Variants in MYBL2 observed in about 807,000 individuals in gnomAD.
MYBL2 encodes myb-related protein B.
MYBL2 carries 28 observed loss-of-function variants against 79.9 expected under a neutral mutation model. The observed-to-expected ratio is 0.35, with a 90% CI of 0.26 to 0.48. The LOEUF (loss-of-function observed/expected upper bound fraction) is 0.48. Among genes scored for constraint, MYBL2 ranks in the 20% least tolerant of loss-of-function variants. The pLI, the probability that MYBL2 is intolerant of heterozygous loss-of-function variation, is 0.99. For synonymous variants in MYBL2, 378 were observed against 361.2 expected, an observed-to-expected ratio of 1.05 and a Z score of -0.53; for missense variants, 735 against 893.9, an observed-to-expected ratio of 0.82 and a Z score of 2.27.
At chr20:43,674,751 C>CG (rs1986965275) in intron 2 of MYBL2, among the ~76,000 whole-genome samples, 1 of 151,832 alleles carries the variant, frequency 6.6e-6, no homozygotes, top group Admixed American at 6.6e-5. Flanking sequence ...AGGCTAATCT[C>CG]GAACTCCTGA....
chr20:43,713,547 C>T (rs2145737065), intron 12 of MYBL2, among the ~76,000 whole-genome samples: 1 of 152,178 alleles, frequency 6.6e-6, no homozygotes, highest in East Asian at 1.9e-4. Flanking sequence ...ATCACCACGC[C>T]CGGCTAATTT....
chr20:43,673,107 C>A (rs993532603), intron 1 of MYBL2, among the ~76,000 whole-genome samples: 2 of 151,956 alleles, frequency 1.3e-5, no homozygotes, highest in Non-Finnish European at 2.9e-5. Context: ...CCGCACCCAG[C>A]TAATATTTGT....
Position 43,715,940 on chromosome 20 carries a change from C to T in MYBL2, c.1975-19C>T, listed in dbSNP as rs1988021328. 1 of 1,603,978 alleles carries T rather than the reference C, an allele frequency of 6.2e-7. No homozygotes were observed. Among genetic ancestry groups the T allele is most frequent in the East Asian group, 2.2e-5 (1 of 44,750 alleles). On this transcript the variant is annotated intron_variant, in intron 13 of 13. Transcript: ENST00000217026. ...CACATAGTCCCTGCCTGGATGGTAA[C>T]CCTCTTGCCTCCTCCCAGATGTCCA...
Position 43,681,837 on chromosome 20 carries a change from C to G in MYBL2, c.168C>G (p.Phe56Leu), listed in dbSNP as rs768512088. Residue 56 changes from phenylalanine to leucine, a missense_variant, in exon 3 of 14, where the codon TTC (phenylalanine) becomes TTG (leucine). Coordinates refer to ENST00000217026, the MANE Select transcript of MYBL2 (RefSeq NM_002466.4). The part of the protein sequence containing the change: ...VRQFGQQDWK[F>L]LASHFPNRTD... ...AGTTTGGACAGCAGGACTGGAAGTT[C>G]CTGGCCAGCCACTTCCCTGTGAGTA... The G allele has an allele frequency of 1.9e-6, 3 of 1,613,242 alleles. No homozygotes were observed. Among genetic ancestry groups the G allele is most frequent in the Non-Finnish European group, 2.5e-6 (3 of 1,179,908 alleles).
chr20:43,704,102 C>T (rs1456531610), intron 8 of MYBL2, among the ~76,000 whole-genome samples: 1 of 152,112 alleles, frequency 6.6e-6, no homozygotes, highest in African/African-American at 2.4e-5. Context: ...CAATCTCCAC[C>T]TTCCAGGTTC....
At chr20:43,714,293 G>A (rs1427784123) in intron 12 of MYBL2, among the ~76,000 whole-genome samples, 2 of 152,184 alleles carry the variant, frequency 1.3e-5, no homozygotes, top group African/African-American at 4.8e-5. Flanking sequence ...TGTGCTTGGG[G>A]TTGAAGCTGC....
At chr20:43,694,148 C>T (rs965281214) in intron 6 of MYBL2, among the ~76,000 whole-genome samples, 5 of 151,758 alleles carry the variant, frequency 3.3e-5, no homozygotes, top group East Asian at 1.9e-4. Flanking sequence ...CTGGCTAACA[C>T]GGTGAAACCC....
chr20:43,693,463 C>G (rs532105468), intron 6 of MYBL2, among the ~76,000 whole-genome samples: 5 of 152,204 alleles, frequency 3.3e-5, no homozygotes, highest in African/African-American at 7.2e-5. Flanking sequence ...CTCAGCATCC[C>G]GAGTAGCTGG....
rs1163065312 is a variant in MYBL2 at position 43,716,129 on chromosome 20, G to T, written c.*42G>T. 3.8e-6 allele frequency: 6 copies of T among 1,597,964 alleles called. No homozygotes were observed. Among genetic ancestry groups the T allele is most frequent in the Non-Finnish European group, 5.1e-6 (6 of 1,178,732 alleles). ...CGAGCCCATTCTCATGTTTACAGGG[G>T]TTGTGGGGGCAGAGGGGGTCTGTGA... On this transcript the variant is annotated 3_prime_UTR_variant, in exon 14 of 14. Coordinates refer to ENST00000217026, the MANE Select transcript of MYBL2 (RefSeq NM_002466.4).
chr20:43,699,870 A>C lies in MYBL2; in HGVS notation c.777A>C (p.Thr259=), dbSNP rs1600558582. ...TTSKEQEPIG[T]DLDAVRTPEP... ...CGAAGGAACAGGAGCCCATCGGTACAGATCTGGACGCAGTGCGAACACCAG... is the reference window on the plus strand; with the variant it reads ...CGAAGGAACAGGAGCCCATCGGTACCGATCTGGACGCAGTGCGAACACCAG... Residue 259 remains threonine (T), a synonymous_variant, in exon 7 of 14, where the codon ACA becomes ACC. Transcript: ENST00000217026. The C allele has an allele frequency of 6.2e-7, 1 of 1,614,114 alleles. No individual in the cohort carries two copies.
At chr20:43,697,929 A>G (rs1987582389) in intron 6 of MYBL2, among the ~76,000 whole-genome samples, 1 of 151,636 alleles carries the variant, frequency 6.6e-6, no homozygotes, top group Admixed American at 6.6e-5. Flanking sequence ...AAAAAAAAAA[A>G]AAATTGCGTG....
At chr20:43,698,522 C>T (rs1192053529) in intron 6 of MYBL2, among the ~76,000 whole-genome samples, 2 of 150,928 alleles carry the variant, frequency 1.3e-5, no homozygotes, top group Non-Finnish European at 3.0e-5. Flanking sequence ...GAACTACAGG[C>T]GCCTGCCACC....
At chr20:43,708,249 A>G (rs1011223715) in intron 9 of MYBL2, among the ~76,000 whole-genome samples, 2 of 151,916 alleles carry the variant, frequency 1.3e-5, no homozygotes, top group African/African-American at 4.8e-5. Flanking sequence ...ACAGGTGTGC[A>G]CCACCATGCT....
chr20:43,674,419 C>T (rs1490779465), intron 2 of MYBL2, among the ~76,000 whole-genome samples: 1 of 145,448 alleles, frequency 6.9e-6, no homozygotes, highest in Non-Finnish European at 1.5e-5. Context: ...GACAGTCTCG[C>T]TTTGTCACCC....
At position 43,716,273 on chromosome 20, in the gene MYBL2, C is replaced by A; in HGVS notation, c.*186C>A. 1.2e-6 allele frequency: 1 copy of A among 869,134 alleles called. No individual in the cohort carries two copies. The highest frequency in any genetic ancestry group is 1.7e-6 in the Non-Finnish European group (1 of 595,634). The allele number at this position is 869,134 out of a possible 1,614,324, so 53.8% of individuals were successfully genotyped here. A position where few individuals can be genotyped will look rare whatever the true frequency, so the allele number is the denominator to read the frequency against. ...CCCTGTTGCCGAGCCCAGCTGTGGG[C>A]GGCTCCTGGTGCTAACAACAAAGTT... On this transcript the variant is annotated 3_prime_UTR_variant, in exon 14 of 14. Transcript: ENST00000217026.
Position 43,687,085 on chromosome 20 carries a change from C to A in MYBL2, c.500+13C>A. 4 of 1,610,648 alleles carry A rather than the reference C, an allele frequency of 2.5e-6. No individual in the cohort carries two copies. Among genetic ancestry groups the A allele is most frequent in the Non-Finnish European group, 3.4e-6 (4 of 1,178,892 alleles). Reference sequence around the variant, plus strand: ...TGTTGCCAGGGAGGTAAGCTGTCTTCTTGGGGGTTGGGACAGGTTCCCGGG... The same window carrying A: ...TGTTGCCAGGGAGGTAAGCTGTCTTATTGGGGGTTGGGACAGGTTCCCGGG... On this transcript the variant is annotated intron_variant, in intron 5 of 13. Coordinates refer to ENST00000217026, the MANE Select transcript of MYBL2 (RefSeq NM_002466.4).
intron 12 of MYBL2, 52 bp from the exon 13 acceptor site, chr20:43,715,082 C>G (rs569370939): frequency 6.9e-6 from 11 of 1,603,128 alleles, no homozygotes; most frequent in Non-Finnish European, 1.7e-6. Flanking sequence ...TTTTTCTTCC[C>G]TCTCACAGCT....
chr20:43,691,935 G>A (rs1987420816), intron 5 of MYBL2, among the ~76,000 whole-genome samples: 1 of 151,766 alleles, frequency 6.6e-6, no homozygotes, highest in Non-Finnish European at 1.5e-5. Flanking sequence ...TAGCCTGAAT[G>A]ATTCAGTTGC....
chr20:43,696,812 C>T (rs1160047724), intron 6 of MYBL2, among the ~76,000 whole-genome samples: 3 of 152,292 alleles, frequency 2.0e-5, no homozygotes, highest in African/African-American at 7.2e-5. Flanking sequence ...CTGCAACCTC[C>T]GCCTCCCGGG....
Sources: allele counts gnomAD v4.1 joint callset (sites outside exome capture counted in the v4.1 genomes callset), GRCh38; gene constraint gnomAD v4.1.1; transcripts MANE v1.5; gene names NCBI Gene and HGNC (gene_info 2026-07-23, HGNC 2026-07-21).